SLC24A2: variants seen among roughly 807,000 people sequenced by gnomAD.
SLC24A2 encodes the protein sodium/potassium/calcium exchanger 2.
A neutral mutation model predicts 62.0 loss-of-function variants in SLC24A2; 36 were observed. That is an observed-to-expected ratio of 0.58 (90% CI 0.44 to 0.77). The LOEUF is 0.77. Ranked by LOEUF, SLC24A2 falls within the 30% of genes least tolerant of loss-of-function variation. The pLI, the probability that SLC24A2 is intolerant of heterozygous loss-of-function variation, is 0.00. For synonymous variants in SLC24A2, 358 were observed against 294.0 expected (o/e 1.22, Z -2.23); for missense variants, 846 against 817.9 (o/e 1.03, Z -0.42).
intron 2 of SLC24A2, among the ~76,000 whole-genome samples, chr9:19,689,760 C>CT (rs1486908477): frequency 6.6e-6 from 1 of 152,144 alleles, no homozygotes; most frequent in Non-Finnish European, 1.5e-5. Flanking sequence ...GAGGCTCTCT[C>CT]TGTTTGGGTT....
At chr9:19,535,880 AAGTC>A (rs1346442120) in intron 8 of SLC24A2, among the ~76,000 whole-genome samples, 3 of 152,006 alleles carry the variant, frequency 2.0e-5, no homozygotes, top group South Asian at 4.1e-4. Context: ...TCTGTGAAGA[AAGTC>A]AGTGGTAGCT....
chr9:20,089,569 G>C, the SLC24A2 span, among the ~76,000 whole-genome samples: 3 of 151,888 alleles, frequency 2.0e-5, no homozygotes, highest in African/African-American at 4.8e-5. Context: ...ATCTTCACCA[G>C]GCAGGGCCCC....
the SLC24A2 span, among the ~76,000 whole-genome samples, chr9:20,140,744 C>T: frequency 1.3e-5 from 2 of 152,050 alleles, no homozygotes; most frequent in Non-Finnish European, 2.9e-5. Context: ...CACCCACAAC[C>T]CCCCACTTCT....
the SLC24A2 span, among the ~76,000 whole-genome samples, chr9:20,265,383 A>T: frequency 6.6e-6 from 1 of 152,332 alleles, no homozygotes; most frequent in East Asian, 1.9e-4. Flanking sequence ...AAGAACATAA[A>T]TTGTGAAGAT....
At chr9:19,838,525 G>A in the SLC24A2 span, among the ~76,000 whole-genome samples, 8 of 151,264 alleles carry the variant, frequency 5.3e-5, no homozygotes, top group Non-Finnish European at 1.2e-4. Flanking sequence ...TGTAATCCCA[G>A]CTACTTGGGA....
chr9:19,698,463 G>C (rs1587172618), intron 2 of SLC24A2, among the ~76,000 whole-genome samples: 1 of 152,128 alleles, frequency 6.6e-6, no homozygotes, highest in South Asian at 2.1e-4. Flanking sequence ...TTTTGGATAA[G>C]GGACCGTCAA....
chr9:19,911,601 T>C, the SLC24A2 span, among the ~76,000 whole-genome samples: 1 of 152,140 alleles, frequency 6.6e-6, no homozygotes, highest in Non-Finnish European at 1.5e-5. Flanking sequence ...TTGATCTTCT[T>C]CCATGATTGA....
the SLC24A2 span, among the ~76,000 whole-genome samples, chr9:19,841,294 T>C: frequency 1.3e-5 from 2 of 151,960 alleles, no homozygotes; most frequent in African/African-American, 4.8e-5. Flanking sequence ...AGAAGGGGAA[T>C]AGGGAGTGTG....
the SLC24A2 span, among the ~76,000 whole-genome samples, chr9:20,048,235 G>A: frequency 3.9e-5 from 6 of 152,280 alleles, no homozygotes; most frequent in African/African-American, 9.6e-5. Flanking sequence ...CTAGCACATA[G>A]TAGGTATTTA....
the SLC24A2 span, among the ~76,000 whole-genome samples, chr9:19,810,041 C>T: frequency 1.3e-5 from 2 of 152,246 alleles, no homozygotes; most frequent in East Asian, 1.9e-4. Context: ...TGGGAAACTC[C>T]GATCTAGCTC....
chr9:19,731,528 T>TGTGC (rs1251785541), intron 2 of SLC24A2, among the ~76,000 whole-genome samples: 1 of 120,940 alleles, frequency 8.3e-6, no homozygotes, highest in Non-Finnish European at 1.9e-5. Context: ...TGTGTGTGTG[T>TGTGC]GTGTGTGTGT....
chr9:19,608,372 C>T lies in SLC24A2; in HGVS notation c.1079-11093G>A, dbSNP rs151247613. The stretch of plus-strand genomic sequence containing the variant: ...AAATAAGCTCTGGTATTTGGTGAGA[C>T]AAAAAGCAAACCCAGCAAGCAAGTG... On this transcript the variant is annotated intron_variant, in intron 4 of 10. Coordinates refer to ENST00000341998, the MANE Select transcript of SLC24A2 (RefSeq NM_020344.4). Among the ~76,000 whole-genome samples the T allele has an allele frequency of 7.7e-3, 1,155 of 150,662 alleles. 6 individuals are homozygous for T. Among genetic ancestry groups the T allele is most frequent in the Middle Eastern group, 0.014 (4 of 292 alleles).
the SLC24A2 span, among the ~76,000 whole-genome samples, chr9:20,260,491 T>C: frequency 6.6e-6 from 1 of 152,240 alleles, no homozygotes; most frequent in Non-Finnish European, 1.5e-5. Flanking sequence ...GGTTTCTGGG[T>C]AGCTAAATAC....
At chr9:19,982,024 G>A in the SLC24A2 span, among the ~76,000 whole-genome samples, 7 of 152,128 alleles carry the variant, frequency 4.6e-5, no homozygotes, top group African/African-American at 1.7e-4. Flanking sequence ...CCAAACCAGT[G>A]GAAAAACCTG....
chr9:19,573,529 C>CACACACAGAGAGAG (rs1390433234), intron 6 of SLC24A2, 60 bp from the exon 7 acceptor site: 167 of 432,400 alleles, frequency 3.9e-4, no homozygotes, highest in East Asian at 1.6e-3. Flanking sequence ...CACACACACA[C>CACACACAGAGAGAG]AGAGAGAGAG....
At chr9:20,166,409 G>A in the SLC24A2 span, among the ~76,000 whole-genome samples, 1 of 151,924 alleles carries the variant, frequency 6.6e-6, no homozygotes, top group Non-Finnish European at 1.5e-5. Context: ...ATATTCAGGT[G>A]GGTCTTAGAA....
the SLC24A2 span, among the ~76,000 whole-genome samples, chr9:20,201,014 A>G: frequency 6.6e-6 from 1 of 152,230 alleles, no homozygotes; most frequent in Admixed American, 6.5e-5. Flanking sequence ...GTCCTTTAAC[A>G]AAGAAGTGGC....
chr9:19,951,823 C>T, the SLC24A2 span, among the ~76,000 whole-genome samples: 2 of 152,084 alleles, frequency 1.3e-5, no homozygotes, highest in Non-Finnish European at 2.9e-5. Flanking sequence ...CGTTCCTTTA[C>T]CATTTGATAT....
chr9:19,740,579 G>T (rs1821645001), intron 2 of SLC24A2, among the ~76,000 whole-genome samples: 1 of 152,172 alleles, frequency 6.6e-6, no homozygotes, highest in Non-Finnish European at 1.5e-5. Context: ...TACTACAGAG[G>T]GGGCTCTGGG....
Sources: allele counts gnomAD v4.1 joint callset (sites outside exome capture counted in the v4.1 genomes callset), GRCh38; gene constraint gnomAD v4.1.1; transcripts MANE v1.5; gene names NCBI Gene and HGNC (gene_info 2026-07-23, HGNC 2026-07-21).